Variants in ACSS3 observed in about 807,000 individuals in gnomAD.
ACSS3 encodes acyl-CoA synthetase short-chain family member 3, mitochondrial.
A neutral mutation model predicts 84.2 loss-of-function variants in ACSS3; 64 were observed. The observed-to-expected ratio is 0.76, with a 90% CI of 0.62 to 0.94. The LOEUF (loss-of-function observed/expected upper bound fraction) is 0.94. ACSS3 is among the 40% of genes least tolerant of loss of function. The pLI, the probability that ACSS3 is intolerant of heterozygous loss-of-function variation, is 0.00. For synonymous variants in ACSS3, 317 were observed against 310.1 expected (o/e 1.02, Z -0.23); for missense variants, 815 against 867.6 (o/e 0.94, Z 0.76).
chr12:81,259,716 T>C lies in ACSS3; in HGVS notation c.*4794T>C. On this transcript the variant is annotated 3_prime_UTR_variant, in exon 16 of 16. Coordinates refer to ENST00000548058, the MANE Select transcript of ACSS3 (RefSeq NM_024560.4). ...CTGAAAAGTCCCAGACTGGGAAATC[T>C]CATTCTACTCCTCTGTGGTGTACCT... The C allele has an allele frequency of 6.9e-7, 1 of 1,456,684 alleles. No individual in the cohort carries two copies. Among genetic ancestry groups the C allele is most frequent in the Non-Finnish European group, 9.3e-7 (1 of 1,075,810 alleles). 90.2% of individuals were successfully genotyped at this position (1,456,684 alleles called of 1,614,324 possible). A position where few individuals can be genotyped will look rare whatever the true frequency, so the allele number is the denominator to read the frequency against.
intron 1 of ACSS3, among the ~76,000 whole-genome samples, chr12:81,106,026 T>C (rs922402699): frequency 6.6e-6 from 1 of 152,026 alleles, no homozygotes; most frequent in Admixed American, 6.5e-5. Flanking sequence ...GTTGGATGAG[T>C]GGAAATGAAA....
rs368089651 is a variant in ACSS3 at position 81,246,430 on chromosome 12, T to C, written c.1720-6877T>C. On this transcript the variant is annotated intron_variant, in intron 13 of 15. Coordinates refer to ENST00000548058, the MANE Select transcript of ACSS3 (RefSeq NM_024560.4). ...TAGGGCTTTTTCTGTCTGTACTCATTGTCAGTTACACATGCTGAGCTGCTT... is the reference window on the plus strand; with the variant it reads ...TAGGGCTTTTTCTGTCTGTACTCATCGTCAGTTACACATGCTGAGCTGCTT... Among the ~76,000 whole-genome samples, 25 of 152,252 alleles carry C rather than the reference T, an allele frequency of 1.6e-4. No individual in the cohort carries two copies. The East Asian group carries it at 2.7e-3, about 17-fold the overall frequency.
chr12:81,144,294 T>G (rs976605815), intron 5 of ACSS3, among the ~76,000 whole-genome samples: 6 of 152,036 alleles, frequency 3.9e-5, no homozygotes, highest in African/African-American at 9.7e-5. Flanking sequence ...CTGTATGTAG[T>G]TGGTGCTCAA....
intron 13 of ACSS3, among the ~76,000 whole-genome samples, chr12:81,237,960 C>T (rs2033679353): frequency 6.6e-6 from 1 of 151,636 alleles, no homozygotes; most frequent in South Asian, 2.1e-4. Context: ...TTTTGAATTT[C>T]TCACCATTGA....
intron 1 of ACSS3, among the ~76,000 whole-genome samples, chr12:81,098,008 G>C (rs764592419): frequency 3.7e-4 from 56 of 152,114 alleles, no homozygotes; most frequent in Non-Finnish European, 1.2e-4. Flanking sequence ...GCCACTGTCT[G>C]TGTGTGTTGT....
chr12:81,146,898 A>G (rs139617982), intron 5 of ACSS3, among the ~76,000 whole-genome samples: 3 of 152,346 alleles, frequency 2.0e-5, no homozygotes, highest in African/African-American at 7.2e-5. Flanking sequence ...TCAAAAGAGA[A>G]CAGGGGGAAA....
intron 7 of ACSS3, among the ~76,000 whole-genome samples, chr12:81,166,661 G>A (rs989425498): frequency 1.2e-4 from 19 of 152,210 alleles, no homozygotes; most frequent in African/African-American, 4.6e-4. Context: ...GAGCACTTTG[G>A]TGATCAGGGT....
chr12:81,205,133 T>A (rs891538088), intron 9 of ACSS3, among the ~76,000 whole-genome samples: 1 of 152,154 alleles, frequency 6.6e-6, no homozygotes, highest in Non-Finnish European at 1.5e-5. Flanking sequence ...TAACTCTTCC[T>A]CCTTTGGGGA....
chr12:81,106,832 A>G (rs2121483742), intron 1 of ACSS3, among the ~76,000 whole-genome samples: 1 of 152,288 alleles, frequency 6.6e-6, no homozygotes, highest in African/African-American at 2.4e-5. Flanking sequence ...CATTACAGAG[A>G]CAATAAAGGC....
At chr12:81,114,126 G>A (rs1347408567) in intron 2 of ACSS3, among the ~76,000 whole-genome samples, 2 of 151,960 alleles carry the variant, frequency 1.3e-5, no homozygotes, top group African/African-American at 2.4e-5. Flanking sequence ...AAATAAGAAC[G>A]TGTCCCCTGA....
intron 5 of ACSS3, among the ~76,000 whole-genome samples, chr12:81,143,892 A>G (rs1408551170): frequency 1.3e-5 from 2 of 152,214 alleles, no homozygotes; most frequent in Admixed American, 1.3e-4. Flanking sequence ...AGCAACAAAT[A>G]CCACTTTTGC....
chr12:81,243,375 C>T (rs1158764642), intron 13 of ACSS3, among the ~76,000 whole-genome samples: 1 of 152,098 alleles, frequency 6.6e-6, no homozygotes, highest in Non-Finnish European at 1.5e-5. Context: ...CAAAGAAATG[C>T]AAGAACATTC....
At chr12:81,086,921 C>T (rs1430413054) in intron 1 of ACSS3, among the ~76,000 whole-genome samples, 1 of 152,004 alleles carries the variant, frequency 6.6e-6, no homozygotes, top group Non-Finnish European at 1.5e-5. Context: ...GAGCTCAAAT[C>T]CTTTATCTAA....
intron 11 of ACSS3, among the ~76,000 whole-genome samples, chr12:81,223,012 G>C (rs952886140): frequency 2.6e-5 from 4 of 152,012 alleles, no homozygotes; most frequent in African/African-American, 9.7e-5. Flanking sequence ...GAAGGTATTC[G>C]TGTAATTGCA....
chr12:81,217,233 G>A (rs2032953269), intron 10 of ACSS3, among the ~76,000 whole-genome samples: 1 of 152,086 alleles, frequency 6.6e-6, no homozygotes, highest in Admixed American at 6.6e-5. Flanking sequence ...AGGTATGTTA[G>A]GAATATGGGT....
chr12:81,086,576 G>C (rs1228417599), intron 1 of ACSS3, among the ~76,000 whole-genome samples: 2 of 152,134 alleles, frequency 1.3e-5, no homozygotes, highest in African/African-American at 4.8e-5. Context: ...AATCGGCTGT[G>C]ACTGATCAAC....
intron 7 of ACSS3, among the ~76,000 whole-genome samples, chr12:81,153,867 CTGTCTCTGA>C (rs1216277278): frequency 9.2e-5 from 14 of 152,174 alleles, no homozygotes; most frequent in Non-Finnish European, 1.2e-4. Flanking sequence ...GGCTGATTTT[CTGTCTCTGA>C]ATGCTAAGAA....
At chr12:81,199,523 C>T in intron 9 of ACSS3, 79 bp downstream of exon 9, 1 of 1,493,926 alleles carries the variant, frequency 6.7e-7, no homozygotes. Flanking sequence ...AACTTTTGAG[C>T]TACGACCAGC....
rs2034298766 is a variant in ACSS3, at chr12:81,256,375, T to C, written c.*1453T>C. ...CTCTTAAATGTTTTTTTTAAATAAT[T>C]GTAAAGTGAGTTTTTGTTAAGCTTA... On this transcript the variant is annotated 3_prime_UTR_variant, in exon 16 of 16. Coordinates refer to ENST00000548058, the MANE Select transcript of ACSS3 (RefSeq NM_024560.4). 1 of 152,172 alleles carries C rather than the reference T, an allele frequency of 6.6e-6. No individual in the cohort carries two copies. The highest frequency in any genetic ancestry group is 6.5e-5 in the Admixed American group (1 of 15,272). 9.4% of individuals were successfully genotyped at this position (152,172 alleles called of 1,614,324 possible). A position where few individuals can be genotyped will look rare whatever the true frequency, so the allele number is the denominator to read the frequency against.
Sources: gnomAD v4.1 joint callset for allele counts (sites outside exome capture counted in the v4.1 genomes callset) on GRCh38, gnomAD v4.1.1 for gene constraint, MANE v1.5 for transcripts, NCBI Gene and HGNC (gene_info 2026-07-23, HGNC 2026-07-21) for gene names.